The following FAM209B variants were observed in gnomAD, a reference collection of about 807,000 sequenced individuals.
The protein encoded by FAM209B is protein FAM209B.
FAM209B carries 8 observed loss-of-function variants against 8.9 expected under a neutral mutation model. The observed-to-expected ratio is 0.90, with a 90% CI of 0.53 to 1.62. The LOEUF (loss-of-function observed/expected upper bound fraction) is 1.62. FAM209B is among the 40% of genes most tolerant of loss of function. FAM209B has a pLI of 0.00. For synonymous variants in FAM209B, 67 were observed against 75.0 expected (o/e 0.89, Z 0.55); for missense variants, 175 against 205.3 (o/e 0.85, Z 0.90).
At position 56,533,291 on chromosome 20, in the gene FAM209B, G is replaced by A. The variant is rs368092373; in HGVS notation, c.-51G>A. 210 of 1,604,480 alleles carry A rather than the reference G, an allele frequency of 1.3e-4. No homozygotes were observed. In the African/African-American group the frequency reaches 2.5e-3, roughly 19 times the overall value. On this transcript the variant is annotated 5_prime_UTR_variant, in exon 1 of 2. Coordinates refer to ENST00000371325, the MANE Select transcript of FAM209B (RefSeq NM_001013646.4). The stretch of plus-strand genomic sequence containing the variant: ...ACCAGGTGCCCAGTCTTCCAGTTGC[G>A]AGGGCAAGCAAACCCGTCATGAGCA...
chr20:56,533,530 T>G lies in FAM209B; in HGVS notation c.189T>G (p.Leu63=). Residue 63 remains leucine, a synonymous_variant, in exon 1 of 2, where the codon CTT becomes CTG. Transcript: ENST00000371325. ...GGCTTGGGAGCAAATGGCTCTGGCT[T>G]TTGTTTGCTGTTGTGCCGTTTGTGA... ...QGWLGSKWLW[L]LFAVVPFVIL... 6.2e-7 allele frequency: 1 copy of G among 1,614,128 alleles called. No homozygotes were observed. The highest frequency in any genetic ancestry group is 8.5e-7 in the Non-Finnish European group (1 of 1,180,026).
chr20:56,536,186 T>A lies in FAM209B; in HGVS notation c.264T>A (p.Pro88=). The change falls in exon 2 of 2, where the codon CCT becomes CCA. Residue 88 remains proline, a synonymous_variant. Transcript: ENST00000371325. The part of the protein sequence containing the change: ...DSEKNKEQSP[P]GLRGFPFRTP... ...TTTCTTGACAGGAGCAGAGTCCTCC[T>A]GGCCTTCGAGGCTTCCCATTTCGCA... is the stretch of plus-strand genomic sequence containing the variant. The A allele has an allele frequency of 3.2e-6, 5 of 1,551,270 alleles. No individual in the cohort carries two copies. The highest frequency in any genetic ancestry group is 4.3e-6 in the Non-Finnish European group (5 of 1,150,800).
chr20:56,533,341 C>T lies in FAM209B; in HGVS notation c.-1C>T. On this transcript the variant is annotated 5_prime_UTR_variant, in exon 1 of 2. Coordinates refer to ENST00000371325, the MANE Select transcript of FAM209B (RefSeq NM_001013646.4). ...AACTCCCTTCCCCATCTCTGCTCAC[C>T]ATGTGGACGCTGAAATCGTCCCTGG... is the stretch of plus-strand genomic sequence containing the variant. The T allele has an allele frequency of 6.2e-7, 1 of 1,614,014 alleles. No individual in the cohort carries two copies. Among genetic ancestry groups the T allele is most frequent in the African/African-American group, 1.3e-5 (1 of 75,048 alleles).
rs780418930 is a variant in FAM209B, at chr20:56,533,522, C to T, written c.181C>T (p.Leu61Phe). The T allele has an allele frequency of 3.7e-6, 6 of 1,614,186 alleles. No homozygotes were observed. Among genetic ancestry groups the T allele is most frequent in the Non-Finnish European group, 5.1e-6 (6 of 1,180,032 alleles). ...HTQGWLGSKW[L>F]WLLFAVVPFV... ...CCAAGGCTGGCTTGGGAGCAAATGG[C>T]TCTGGCTTTTGTTTGCTGTTGTGCC... Residue 61 changes from leucine to phenylalanine, a missense_variant, in exon 1 of 2, where the codon CTC becomes TTC. Physicochemically the swap from Leu to Phe is conservative, Grantham distance 22 (BLOSUM62 0). This residue lies in a region of FAM209B where 166 missense variants were observed against 174.5 expected (regional missense o/e 0.95). Transcript: ENST00000371325.
chr20:56,536,447 G>T lies in FAM209B; in HGVS notation c.*9G>T. ...AAGAAAGCTCTAGCTGAATGGATTT[G>T]TGTGTCAGGAGAGAAAAAAGTTGAG... is the stretch of plus-strand genomic sequence containing the variant. On this transcript the variant is annotated 3_prime_UTR_variant, in exon 2 of 2. Coordinates refer to ENST00000371325, the MANE Select transcript of FAM209B (RefSeq NM_001013646.4). 2 of 1,571,642 alleles carry T rather than the reference G, an allele frequency of 1.3e-6. No homozygotes were observed. Among genetic ancestry groups the T allele is most frequent in the Non-Finnish European group, 1.7e-6 (2 of 1,158,364 alleles).
chr20:56,533,959 C>T (rs975464534), intron 1 of FAM209B, among the ~76,000 whole-genome samples: 1 of 152,134 alleles, frequency 6.6e-6, no homozygotes, highest in Non-Finnish European at 1.5e-5. Context: ...AGTTTGAGAA[C>T]AGCCTGGCCA....
chr20:56,533,441 G>A lies in FAM209B; in HGVS notation c.100G>A (p.Gly34Arg), dbSNP rs768784055. Residue 34 changes from glycine to arginine, a missense_variant, in exon 1 of 2, where the codon GGG (glycine) becomes AGG (arginine). Transcript: ENST00000371325. Reference sequence around the variant, plus strand: ...GAGACAGAAAACTAGCGAACCCCAGGGGAAGGTGCCGTGTGGAGAGCACTT... The same window carrying A: ...GAGACAGAAAACTAGCGAACCCCAGAGGAAGGTGCCGTGTGGAGAGCACTT... The part of the protein sequence containing the change: ...SLRQKTSEPQ[G>R]KVPCGEHFRI... 2 of 1,610,658 alleles carry A rather than the reference G, an allele frequency of 1.2e-6. No individual in the cohort carries two copies. The highest frequency in any genetic ancestry group is 1.7e-6 in the Non-Finnish European group (2 of 1,177,096).
In FAM209B at chr20:56,536,270, A is replaced by G. The variant is rs149568692; in HGVS notation, c.348A>G (p.Leu116=). The G allele has an allele frequency of 4.7e-5, 76 of 1,613,248 alleles. No homozygotes were observed. The African/African-American group carries it at 9.2e-4, about 20-fold the overall frequency. ...ACAAAGACTGTGTATTCAATACCTT[A>G]AACGAACTTGAAGTGGAGCTTTTGA... is the stretch of plus-strand genomic sequence containing the variant. ...SLYKDCVFNT[L]NELEVELLKF... Residue 116 remains leucine, a synonymous_variant, in exon 2 of 2, where the codon TTA becomes TTG. Coordinates refer to ENST00000371325, the MANE Select transcript of FAM209B (RefSeq NM_001013646.4).
Position 56,533,383 on chromosome 20 carries a change from C to T in FAM209B, c.42C>T (p.Leu14=), listed in dbSNP as rs755749718. 45 of 1,614,014 alleles carry T rather than the reference C, an allele frequency of 2.8e-5. No homozygotes were observed. In the South Asian group the frequency reaches 4.7e-4, roughly 17 times the overall value. The change falls in exon 1 of 2, where the codon CTC becomes CTT. Residue 14 remains leucine, a synonymous_variant. Transcript: ENST00000371325. The part of the protein sequence containing the change: ...LKSSLVLLLC[L]TCSYAFMFSS... ...CGTCCCTGGTCCTGCTTCTGTGCCT[C>T]ACCTGCAGCTATGCCTTTATGTTCT...
At chr20:56,534,774 C>G (rs1985911338) in intron 1 of FAM209B, among the ~76,000 whole-genome samples, 2 of 92,916 alleles carry the variant, frequency 2.2e-5, no homozygotes, top group Admixed American at 1.0e-4. Flanking sequence ...AAAAAAAAAG[C>G]TGGGCCCAGT....
intron 1 of FAM209B, among the ~76,000 whole-genome samples, chr20:56,534,747 C>CAAAAA (rs74181055): frequency 1.5e-4 from 5 of 32,370 alleles, no homozygotes; most frequent in African/African-American, 4.8e-4. Context: ...GACTCTGTCT[C>CAAAAA]AAAAAAAAAA....
At chr20:56,535,006 G>A (rs1353313033) in intron 1 of FAM209B, among the ~76,000 whole-genome samples, 1 of 149,514 alleles carries the variant, frequency 6.7e-6, no homozygotes, top group Non-Finnish European at 1.5e-5. Context: ...CCGAAACTGC[G>A]CCATTGCCCT....
At chr20:56,534,020 G>C (rs1387731672) in intron 1 of FAM209B, among the ~76,000 whole-genome samples, 1 of 151,994 alleles carries the variant, frequency 6.6e-6, no homozygotes, top group Non-Finnish European at 1.5e-5. Flanking sequence ...GCTGGGCATG[G>C]CGGCGTGTGT....
chr20:56,534,216 C>T (rs1371691490), intron 1 of FAM209B, among the ~76,000 whole-genome samples: 1 of 152,172 alleles, frequency 6.6e-6, no homozygotes, highest in African/African-American at 2.4e-5. Context: ...GCCAAATTCA[C>T]TGTTCCCTTG....
chr20:56,536,078 A>G, intron 1 of FAM209B, 94 bp from the exon 2 acceptor site: 2 of 1,180,472 alleles, frequency 1.7e-6, no homozygotes, highest in Non-Finnish European at 2.3e-6. Context: ...CACTGCTAGA[A>G]CCATCTTTTC....
chr20:56,533,594 A>G lies in FAM209B; in HGVS notation c.249+4A>G, dbSNP rs758952401. ...AAGAGACAGTGAGAAGAATAAGGTA[A>G]GGATGGCTCCATTTTTTTTACACCA... is the stretch of plus-strand genomic sequence containing the variant. On this transcript the variant is annotated splice_donor_region_variant and intron_variant, in intron 1 of 1. Coordinates refer to ENST00000371325, the MANE Select transcript of FAM209B (RefSeq NM_001013646.4). The G allele has an allele frequency of 3.1e-6, 5 of 1,613,030 alleles. No homozygotes were observed.
intron 1 of FAM209B, among the ~76,000 whole-genome samples, chr20:56,534,477 G>A (rs994972948): frequency 1.3e-5 from 2 of 151,788 alleles, no homozygotes; most frequent in Non-Finnish European, 1.5e-5. Flanking sequence ...TAGGCCAGGC[G>A]CGGTGGCTCA....
At chr20:56,533,794 G>A (rs1366573260) in intron 1 of FAM209B, among the ~76,000 whole-genome samples, 1 of 152,128 alleles carries the variant, frequency 6.6e-6, no homozygotes, top group African/African-American at 2.4e-5. Context: ...GACAAACAGT[G>A]GAAGATGACC....
In FAM209B at chr20:56,533,430, G is replaced by A; in HGVS notation, c.89G>A (p.Ser30Asn). The A allele has an allele frequency of 6.2e-7, 1 of 1,613,602 alleles. No homozygotes were observed. Among genetic ancestry groups the A allele is most frequent in the Non-Finnish European group, 8.5e-7 (1 of 1,179,606 alleles). Reference protein sequence around the residue: ...FMFSSLRQKTSEPQGKVPCGE... With the variant: ...FMFSSLRQKTNEPQGKVPCGE... ...TTCTCTTCTCTGAGACAGAAAACTA[G>A]CGAACCCCAGGGGAAGGTGCCGTGT... Residue 30 changes from serine (S) to asparagine (N), a missense_variant, in exon 1 of 2, where the codon AGC (serine) becomes AAC (asparagine). Transcript: ENST00000371325.
Sources: gnomAD v4.1 joint callset for allele counts (sites outside exome capture counted in the v4.1 genomes callset) on GRCh38, gnomAD v4.1.1 for gene constraint, gnomAD v4.1.1 regional missense constraint, MANE v1.5 for transcripts, NCBI Gene and HGNC (gene_info 2026-07-23, HGNC 2026-07-21) for gene names.